The following TTLL5 variants were observed in gnomAD, a reference collection of about 807,000 sequenced individuals.
The protein encoded by TTLL5 is tubulin polyglutamylase TTLL5.
TTLL5 carries 132 observed loss-of-function variants against 168.4 expected under a neutral mutation model. That is an observed-to-expected ratio of 0.78 (90% CI 0.68 to 0.91). The LOEUF (loss-of-function observed/expected upper bound fraction) is 0.91. Among genes scored for constraint, TTLL5 ranks in the 40% least tolerant of loss-of-function variants. The pLI is 0.00. For synonymous variants in TTLL5, 546 were observed against 558.6 expected, an observed-to-expected ratio of 0.98 and a Z score of 0.32; for missense variants, 1,545 against 1,581.5, an observed-to-expected ratio of 0.98 and a Z score of 0.39.
chr14:75,764,632 C>A lies in TTLL5; in HGVS notation c.1568C>A (p.Ala523Glu), dbSNP rs1393819034. Residue 523 changes from alanine (A) to glutamate (E), a missense_variant, in exon 19 of 32, where the codon GCG (alanine) becomes GAG (glutamate). By Grantham distance (107) the Ala-to-Glu change is moderately radical. Coordinates refer to ENST00000298832, the MANE Select transcript of TTLL5 (RefSeq NM_015072.5). ...LFQDRMTADG[A>E]PELKIESLNS... ...TCCCCTAGAATGACTGCTGATGGAG[C>A]GCCAGAATTGAAGATAGAGAGTCTG... The A allele has an allele frequency of 6.2e-7, 1 of 1,613,910 alleles. No individual in the cohort carries two copies. Among genetic ancestry groups the A allele is most frequent in the African/African-American group, 1.3e-5 (1 of 74,900 alleles).
chr14:75,669,331 C>A, intron 2 of TTLL5, 85 bp from the exon 3 acceptor site: 1 of 1,256,368 alleles, frequency 8.0e-7, no homozygotes, highest in Non-Finnish European at 1.1e-6. Flanking sequence ...GGGAAACTTG[C>A]TAAGCAACAA....
At chr14:75,759,403 A>G (rs1023156852) in intron 18 of TTLL5, among the ~76,000 whole-genome samples, 5 of 152,090 alleles carry the variant, frequency 3.3e-5, no homozygotes, top group African/African-American at 1.2e-4. Context: ...AAACTTTCCT[A>G]TAGAGAAAAC....
intron 31 of TTLL5, among the ~76,000 whole-genome samples, chr14:75,945,347 A>G (rs918227491): frequency 6.6e-5 from 10 of 151,618 alleles, no homozygotes; most frequent in African/African-American, 9.7e-5. Context: ...ACCTCCACCC[A>G]CTAGGCTCAA....
rs1286182596 is a variant in TTLL5, at chr14:75,745,185, G to A, written c.1372G>A (p.Val458Met). The A allele has an allele frequency of 6.2e-7, 1 of 1,613,898 alleles. No individual in the cohort carries two copies. The highest frequency in any genetic ancestry group is 8.5e-7 in the Non-Finnish European group (1 of 1,179,934). ...EKGPGKLGGSVLGLSMEEIKV... is the reference protein window; with the variant it reads ...EKGPGKLGGSMLGLSMEEIKV... The stretch of plus-strand genomic sequence containing the variant: ...AGGGCCAGGGAAGTTGGGTGGTTCT[G>A]TGCTTGGTCTGTCAATGGAGGAGGT... Residue 458 changes from valine (V) to methionine (M), a missense_variant, in exon 16 of 32, where the codon GTG becomes ATG. Physicochemically the swap from Val to Met is conservative, Grantham distance 21 (BLOSUM62 1). Coordinates refer to ENST00000298832, the MANE Select transcript of TTLL5 (RefSeq NM_015072.5).
chr14:75,835,528 C>G (rs577198362), intron 28 of TTLL5: 7 of 152,284 alleles, frequency 4.6e-5, no homozygotes, highest in Non-Finnish European at 8.8e-5. Flanking sequence ...GGACTCTGCT[C>G]TATACCATGT....
chr14:75,855,150 G>GACAAAA (rs1897065399), intron 28 of TTLL5, among the ~76,000 whole-genome samples: 1 of 130,498 alleles, frequency 7.7e-6, no homozygotes, highest in Non-Finnish European at 1.6e-5. Context: ...TATGCTAGAA[G>GACAAAA]AAAAAAAAAA....
chr14:75,672,008 A>G (rs1006738813), intron 3 of TTLL5, among the ~76,000 whole-genome samples: 1 of 152,208 alleles, frequency 6.6e-6, no homozygotes, highest in Non-Finnish European at 1.5e-5. Flanking sequence ...GTGGGTTTTC[A>G]TAAATGTCCT....
At chr14:75,762,013 TA>T (rs987845958) in intron 18 of TTLL5, among the ~76,000 whole-genome samples, 1 of 152,146 alleles carries the variant, frequency 6.6e-6, no homozygotes, top group African/African-American at 2.4e-5. Context: ...CAAAATATAG[TA>T]AAATGTTAAT....
chr14:75,712,074 G>A (rs1421516272), intron 9 of TTLL5: 1 of 152,258 alleles, frequency 6.6e-6, no homozygotes, highest in Non-Finnish European at 1.5e-5. Context: ...CAAGGGATCA[G>A]GCTGGTAATC....
intron 12 of TTLL5, among the ~76,000 whole-genome samples, chr14:75,731,945 A>G (rs1888572882): frequency 6.6e-6 from 1 of 151,312 alleles, no homozygotes; most frequent in Non-Finnish European, 1.5e-5. Context: ...AAATTCAGAG[A>G]AGGCCTACAG....
At chr14:75,681,807 G>A (rs554109852) in intron 4 of TTLL5, among the ~76,000 whole-genome samples, 180 bp downstream of exon 4, 1 of 151,928 alleles carries the variant, frequency 6.6e-6, no homozygotes, top group African/African-American at 2.4e-5. Context: ...TGCAATACAT[G>A]GAAAACGTTT....
intron 12 of TTLL5, among the ~76,000 whole-genome samples, chr14:75,727,187 GTA>G (rs2094036892): frequency 6.6e-6 from 1 of 152,148 alleles, no homozygotes; most frequent in East Asian, 1.9e-4. Flanking sequence ...CCACTCATAG[GTA>G]TTTTCCCAGA....
intron 21 of TTLL5, 60 bp downstream of exon 21, chr14:75,771,914 T>A (rs1595009456): frequency 1.1e-5 from 13 of 1,236,256 alleles, no homozygotes; most frequent in South Asian, 5.1e-5. Context: ...TTTCTGTATT[T>A]TTTTTTTTTT....
intron 27 of TTLL5, among the ~76,000 whole-genome samples, chr14:75,813,194 CTGTGTGTG>C (rs61154954): frequency 6.3e-5 from 9 of 142,524 alleles, no homozygotes; most frequent in African/African-American, 2.1e-4. Context: ...CTGGAACAAG[CTGTGTGTG>C]TGTGTGTGTG....
intron 28 of TTLL5, among the ~76,000 whole-genome samples, chr14:75,858,728 C>T (rs1897259594): frequency 6.6e-6 from 1 of 152,144 alleles, no homozygotes; most frequent in Admixed American, 6.5e-5. Context: ...TGACATCTTC[C>T]TAATACTTGA....
intron 21 of TTLL5, among the ~76,000 whole-genome samples, chr14:75,773,907 CATAT>C (rs34160638): frequency 0.016 from 466 of 28,762 alleles, 11 homozygotes; most frequent in African/African-American, 0.033. Flanking sequence ...AAAAAAAATA[CATAT>C]ATATATATAT....
intron 29 of TTLL5, among the ~76,000 whole-genome samples, chr14:75,864,138 C>G (rs987429258): frequency 1.3e-4 from 20 of 151,560 alleles, no homozygotes; most frequent in Admixed American, 4.6e-4. Context: ...TGGTGTTTAC[C>G]CTTTCTGTTG....
chr14:75,933,320 G>A (rs545669104), intron 31 of TTLL5, among the ~76,000 whole-genome samples: 54 of 152,198 alleles, frequency 3.5e-4, no homozygotes, highest in Non-Finnish European at 6.6e-4. Context: ...TAGCCAGGCC[G>A]GGTGTGGTTG....
chr14:75,921,005 T>C (rs960562204), intron 31 of TTLL5, among the ~76,000 whole-genome samples: 1 of 152,260 alleles, frequency 6.6e-6, no homozygotes, highest in Non-Finnish European at 1.5e-5. Flanking sequence ...ATGTGTGTGT[T>C]GGCTACATAA....
Sources: allele counts gnomAD v4.1 joint callset (sites outside exome capture counted in the v4.1 genomes callset), GRCh38; gene constraint gnomAD v4.1.1; transcripts MANE v1.5; gene names NCBI Gene and HGNC (gene_info 2026-07-23, HGNC 2026-07-21).